CAST: variants seen among roughly 807,000 people sequenced by gnomAD.
CAST encodes the protein calpastatin, also known as MIR583 host.
Under a neutral mutation model 119.6 loss-of-function variants are expected in CAST, and 76 were observed. The ratio of observed to expected loss-of-function variants is 0.64; its 90% CI spans 0.53 to 0.77. The LOEUF (loss-of-function observed/expected upper bound fraction) is 0.77, where lower values mean the gene tolerates loss of function less well. Ranked by LOEUF, CAST falls within the 30% of genes least tolerant of loss-of-function variation. The pLI is 0.00. For synonymous variants in CAST, 319 were observed against 331.6 expected (o/e 0.96, Z 0.41); for missense variants, 953 against 946.5 (o/e 1.01, Z -0.09).
intron 1 of CAST, among the ~76,000 whole-genome samples, chr5:96,601,628 C>G (rs1747153432): frequency 6.6e-6 from 1 of 152,148 alleles, no homozygotes; most frequent in South Asian, 2.1e-4. Flanking sequence ...AGATATCTCT[C>G]CTGGTGATAC....
At chr5:96,302,212 G>T in the CAST span, among the ~76,000 whole-genome samples, 1 of 152,134 alleles carries the variant, frequency 6.6e-6, no homozygotes, top group Non-Finnish European at 1.5e-5. Flanking sequence ...AGCACAGCTG[G>T]AGCTGGAGCA....
the CAST span, chr5:96,111,043 C>T: frequency 6.6e-6 from 1 of 152,188 alleles, no homozygotes; most frequent in African/African-American, 2.4e-5. Flanking sequence ...TTCAGTCCCA[C>T]AAGACTGCTC....
chr5:96,682,337 T>G (rs1751524965), intron 2 of CAST, among the ~76,000 whole-genome samples: 1 of 152,252 alleles, frequency 6.6e-6, no homozygotes, highest in Admixed American at 6.5e-5. Flanking sequence ...TTGAAACTTC[T>G]AATACAGGTT....
intron 30 of CAST, 124 bp downstream of exon 30, chr5:96,770,726 A>G (rs1176256397): frequency 1.6e-6 from 1 of 622,716 alleles, no homozygotes; most frequent in South Asian, 1.9e-5. Flanking sequence ...AGTACTATCT[A>G]TCCCATAGCA....
the CAST span, among the ~76,000 whole-genome samples, chr5:96,154,012 C>T: frequency 3.7e-4 from 57 of 152,224 alleles, no homozygotes; most frequent in African/African-American, 1.1e-3. Context: ...TGAATGAGGC[C>T]GGGCGTGGTG....
chr5:96,626,388 C>T (rs1329866334), intron 1 of CAST, among the ~76,000 whole-genome samples: 2 of 152,222 alleles, frequency 1.3e-5, no homozygotes, highest in African/African-American at 4.8e-5. Flanking sequence ...ACTCTTGAAA[C>T]ATCATATGAA....
At chr5:95,962,186 G>A in the CAST span, 1 of 268,350 alleles carries the variant, frequency 3.7e-6, no homozygotes, top group Non-Finnish European at 7.0e-6. Context: ...GTTACCTGGA[G>A]TTGGAGCCCC....
chr5:96,243,470 G>T, the CAST span, among the ~76,000 whole-genome samples: 1 of 151,470 alleles, frequency 6.6e-6, no homozygotes, highest in Non-Finnish European at 1.5e-5. Context: ...AATTTTTTTT[G>T]GTTAAATACA....
At chr5:96,418,149 T>C in the CAST span, among the ~76,000 whole-genome samples, 1 of 152,218 alleles carries the variant, frequency 6.6e-6, no homozygotes, top group South Asian at 2.1e-4. Flanking sequence ...ATGGTACAAA[T>C]ATGCATTGAC....
chr5:96,622,902 C>T lies in CAST; in HGVS notation c.61-52637C>T, dbSNP rs1191487115. Among the ~76,000 whole-genome samples the T allele has an allele frequency of 1.3e-4, 15 of 119,472 alleles. 1 individual carries two copies. The highest frequency in any genetic ancestry group is 3.3e-4 in the African/African-American group (10 of 30,206). The allele number at this position is 119,472 out of a possible 152,430, so 78.4% of individuals were successfully genotyped here. ...TTTTTGAGACGGAGTCTCGCTCTGT[C>T]GCCCAGGCTGGAGTGCAGTGGCGGG... is the stretch of plus-strand genomic sequence containing the variant. On this transcript the variant is annotated intron_variant, in intron 1 of 11. Transcript: ENST00000505143.
chr5:96,483,255 G>C, the CAST span, among the ~76,000 whole-genome samples: 1 of 152,274 alleles, frequency 6.6e-6, no homozygotes, highest in East Asian at 1.9e-4. Flanking sequence ...ATCTAGAGAT[G>C]ATAGTCAAAA....
At chr5:96,666,880 C>G (rs773290542) in intron 1 of CAST, among the ~76,000 whole-genome samples, 1 of 151,970 alleles carries the variant, frequency 6.6e-6, no homozygotes, top group Non-Finnish European at 1.5e-5. Context: ...TTAGTTCTGA[C>G]TAGATTGTCT....
At chr5:96,146,061 A>G in the CAST span, among the ~76,000 whole-genome samples, 1 of 152,230 alleles carries the variant, frequency 6.6e-6, no homozygotes, top group African/African-American at 2.4e-5. Flanking sequence ...TCCAATGGCC[A>G]AAGCAGTTAC....
chr5:95,984,347 G>C, the CAST span, among the ~76,000 whole-genome samples: 5 of 152,040 alleles, frequency 3.3e-5, no homozygotes, highest in African/African-American at 1.2e-4. Flanking sequence ...CGCCTTTTAG[G>C]TCAGTTAGTA....
chr5:96,603,803 C>A (rs1299528191), intron 1 of CAST, among the ~76,000 whole-genome samples: 1 of 128,516 alleles, frequency 7.8e-6, no homozygotes, highest in South Asian at 2.4e-4. Context: ...ATTGCTCTGT[C>A]GCCCAGACTG....
chr5:96,173,575 G>A, the CAST span, among the ~76,000 whole-genome samples: 2 of 152,270 alleles, frequency 1.3e-5, no homozygotes, highest in African/African-American at 4.8e-5. Context: ...TGTTATGACA[G>A]TATCTAAAGG....
intron 1 of CAST, among the ~76,000 whole-genome samples, chr5:96,584,242 G>A (rs2150189981): frequency 6.6e-6 from 1 of 152,280 alleles, no homozygotes; most frequent in South Asian, 2.1e-4. Flanking sequence ...TTCCCAATAG[G>A]GCTGGTGCTC....
chr5:96,010,197 T>C, the CAST span, among the ~76,000 whole-genome samples: 5 of 152,200 alleles, frequency 3.3e-5, no homozygotes, highest in Admixed American at 6.5e-5. Flanking sequence ...GTTACTGTAG[T>C]CTTATAGTAT....
At chr5:96,194,877 G>A in the CAST span, among the ~76,000 whole-genome samples, 4 of 152,206 alleles carry the variant, frequency 2.6e-5, no homozygotes, top group Non-Finnish European at 5.9e-5. Context: ...ACTGGTTTAG[G>A]GACCTAGTTC....
Sources: gnomAD v4.1 joint callset for allele counts (sites outside exome capture counted in the v4.1 genomes callset) on GRCh38, gnomAD v4.1.1 for gene constraint, MANE v1.5 for transcripts, NCBI Gene and HGNC (gene_info 2026-07-23, HGNC 2026-07-21) for gene names.